ROBO2: variants seen among roughly 807,000 people sequenced by gnomAD.
The protein encoded by ROBO2 is roundabout guidance receptor 2, also known as roundabout homolog 2.
A neutral mutation model predicts 160.8 loss-of-function variants in ROBO2; 53 were observed. That is an observed-to-expected ratio of 0.33 (90% CI 0.26 to 0.41). The LOEUF is 0.41. Among genes scored for constraint, ROBO2 ranks in the 10% least tolerant of loss-of-function variants. ROBO2 has a pLI of 1.00. For missense variants in ROBO2, 1,577 were observed against 1,722.4 expected (o/e 0.92, Z 1.49); for synonymous variants, 664 against 611.7 (o/e 1.09, Z -1.26).
intron 2 of ROBO2, among the ~76,000 whole-genome samples, chr3:77,007,808 T>C (rs2061659910): frequency 6.6e-6 from 1 of 152,130 alleles, no homozygotes; most frequent in African/African-American, 2.4e-5. Flanking sequence ...AGGGAAATCC[T>C]TGGGTCTGAG....
rs1198842835 is a variant in ROBO2 at position 77,577,732 on chromosome 3, T to TA, written c.2328+119dup. 4 of 1,242,036 alleles carry TA rather than the reference T, an allele frequency of 3.2e-6. No homozygotes were observed. The African/African-American group carries it at 6.0e-5, about 19-fold the overall frequency. The allele number at this position is 1,242,036 out of a possible 1,614,324, so 76.9% of individuals were successfully genotyped here. The stretch of plus-strand genomic sequence containing the variant: ...TTATTCAGTTTAAGTGTAAAGTTTT[T>TA]ATTTATATTTCTGTGTGACAGAGAA... On this transcript the variant is annotated intron_variant, in intron 15 of 25. Coordinates refer to ENST00000461745, the Ensembl canonical transcript of ROBO2.
At chr3:75,974,884 G>A (rs674741) in intron 2 of ROBO2, among the ~76,000 whole-genome samples, 151,247 of 151,624 alleles carry the variant, frequency 1, 75,437 homozygotes, top group Non-Finnish European at 1. Context: ...ATCCCATGTA[G>A]AACATACAGA....
At chr3:77,336,030 G>A (rs2066463202) in intron 2 of ROBO2, among the ~76,000 whole-genome samples, 1 of 152,152 alleles carries the variant, frequency 6.6e-6, no homozygotes, top group Non-Finnish European at 1.5e-5. Flanking sequence ...AAAGTAGAAT[G>A]GACTATAAAG....
chr3:76,498,683 CTTT>C (rs71101892), intron 2 of ROBO2, among the ~76,000 whole-genome samples: 4 of 130,828 alleles, frequency 3.1e-5, no homozygotes, highest in African/African-American at 2.8e-5. Context: ...AGTTTGTCTG[CTTT>C]TTTTTTTTTT....
intron 2 of ROBO2, among the ~76,000 whole-genome samples, chr3:76,521,369 A>C (rs1443750757): frequency 6.6e-6 from 1 of 152,034 alleles, no homozygotes; most frequent in Non-Finnish European, 1.5e-5. Flanking sequence ...TGCTCTCTGC[A>C]TGGTGTGATT....
chr3:76,927,313 GC>G (rs2077047567), intron 2 of ROBO2, among the ~76,000 whole-genome samples: 1 of 152,008 alleles, frequency 6.6e-6, no homozygotes, highest in South Asian at 2.1e-4. Context: ...GAAATCCTTG[GC>G]CCAAAACCCT....
At chr3:76,025,441 G>C (rs2107681512) in intron 2 of ROBO2, among the ~76,000 whole-genome samples, 1 of 151,746 alleles carries the variant, frequency 6.6e-6, no homozygotes, top group East Asian at 1.9e-4. Flanking sequence ...GTGAAGGGCA[G>C]GGTGAAAATC....
chr3:76,099,383 A>G (rs192169504), intron 2 of ROBO2, among the ~76,000 whole-genome samples: 1 of 121,366 alleles, frequency 8.2e-6, no homozygotes, highest in East Asian at 2.5e-4. Context: ...AAGAGCATAG[A>G]TCTGCATTTT....
chr3:76,518,062 G>C (rs1433153622), intron 2 of ROBO2, among the ~76,000 whole-genome samples: 1 of 152,054 alleles, frequency 6.6e-6, no homozygotes, highest in Non-Finnish European at 1.5e-5. Flanking sequence ...ATTAGATTTA[G>C]AATACATTGT....
chr3:77,380,184 G>C (rs577711430), intron 2 of ROBO2, among the ~76,000 whole-genome samples: 1 of 152,186 alleles, frequency 6.6e-6, no homozygotes, highest in Non-Finnish European at 1.5e-5. Flanking sequence ...AATTTTATTT[G>C]TCTTGTACTC....
intron 2 of ROBO2, among the ~76,000 whole-genome samples, chr3:76,015,539 T>C (rs1435823361): frequency 6.6e-6 from 1 of 152,218 alleles, no homozygotes; most frequent in East Asian, 1.9e-4. Context: ...CAACAACTTA[T>C]ATTAACAACT....
chr3:77,018,021 C>T (rs9850377), intron 2 of ROBO2, among the ~76,000 whole-genome samples: 1,703 of 152,066 alleles, frequency 0.011, 41 homozygotes, highest in African/African-American at 0.038. Flanking sequence ...CTCGTGATAT[C>T]GCCTGCATAT....
At chr3:77,365,774 G>C (rs1244605090) in intron 2 of ROBO2, among the ~76,000 whole-genome samples, 2 of 152,082 alleles carry the variant, frequency 1.3e-5, no homozygotes, top group African/African-American at 4.8e-5. Context: ...GTATAGCCCA[G>C]AGTAAACTAA....
At chr3:76,427,453 C>A (rs1383739658) in intron 2 of ROBO2, among the ~76,000 whole-genome samples, 1 of 152,078 alleles carries the variant, frequency 6.6e-6, no homozygotes, top group Non-Finnish European at 1.5e-5. Context: ...TTGAAGACTA[C>A]TACAAATGTA....
intron 2 of ROBO2, among the ~76,000 whole-genome samples, chr3:76,500,757 G>C (rs2080416381): frequency 6.6e-6 from 1 of 152,112 alleles, no homozygotes; most frequent in Non-Finnish European, 1.5e-5. Context: ...TTGGAAGTTG[G>C]ATATCTTTGC....
intron 2 of ROBO2, among the ~76,000 whole-genome samples, chr3:77,221,006 G>A (rs1187383669): frequency 6.6e-6 from 1 of 152,186 alleles, no homozygotes; most frequent in Non-Finnish European, 1.5e-5. Flanking sequence ...AAATACCATT[G>A]TCAGTGTCCT....
At chr3:76,130,194 A>T (rs1188520086) in intron 2 of ROBO2, among the ~76,000 whole-genome samples, 2 of 152,070 alleles carry the variant, frequency 1.3e-5, no homozygotes, top group Non-Finnish European at 2.9e-5. Flanking sequence ...CTAGAAAAAA[A>T]TATGCAAATT....
intron 16 of ROBO2, among the ~76,000 whole-genome samples, chr3:77,584,883 T>C (rs1023963230): frequency 2.0e-5 from 2 of 101,774 alleles, no homozygotes; most frequent in African/African-American, 7.7e-5. Flanking sequence ...AGAAGTTATA[T>C]ATATATGTAT....
intron 2 of ROBO2, among the ~76,000 whole-genome samples, chr3:77,201,833 G>C (rs1184537478): frequency 2.0e-5 from 3 of 152,138 alleles, no homozygotes; most frequent in Non-Finnish European, 4.4e-5. Flanking sequence ...AAAATCTACA[G>C]TAAGAAACGG....
Sources: gnomAD v4.1 joint callset for allele counts (sites outside exome capture counted in the v4.1 genomes callset) on GRCh38, gnomAD v4.1.1 for gene constraint, MANE v1.5 for transcripts, NCBI Gene and HGNC (gene_info 2026-07-23, HGNC 2026-07-21) for gene names.